The following GRK5 variants were observed in gnomAD, a reference collection of about 807,000 sequenced individuals.
GRK5 encodes the protein g protein-coupled receptor kinase GRK5.
A neutral mutation model predicts 78.4 loss-of-function variants in GRK5; 40 were observed. The ratio of observed to expected loss-of-function variants is 0.51; its 90% CI spans 0.40 to 0.66. The LOEUF (loss-of-function observed/expected upper bound fraction) is 0.66, where lower values mean the gene tolerates loss of function less well. Among genes scored for constraint, GRK5 ranks in the 30% least tolerant of loss-of-function variants. The pLI, the probability that GRK5 is intolerant of heterozygous loss-of-function variation, is 0.00. For synonymous variants in GRK5, 289 were observed against 296.8 expected (o/e 0.97, Z 0.27); for missense variants, 598 against 759.9 (o/e 0.79, Z 2.50).
At chr10:119,434,950 C>T (rs1038697365) in intron 8 of GRK5, among the ~76,000 whole-genome samples, 5 of 152,264 alleles carry the variant, frequency 3.3e-5, no homozygotes, top group African/African-American at 1.2e-4. Flanking sequence ...TCCCAAACCT[C>T]AATTCTTGAC....
intron 1 of GRK5, among the ~76,000 whole-genome samples, chr10:119,310,453 GA>G (rs979911467): frequency 3.3e-5 from 5 of 152,314 alleles, no homozygotes; most frequent in African/African-American, 1.2e-4. Context: ...CTCTTGTAGT[GA>G]AAAGTCCATT....
At chr10:119,406,800 A>G (rs550744960) in intron 4 of GRK5, among the ~76,000 whole-genome samples, 7 of 152,354 alleles carry the variant, frequency 4.6e-5, no homozygotes, top group African/African-American at 1.7e-4. Context: ...GTAGTGAGGG[A>G]CAGGGGTTGG....
rs530411002 is a variant in GRK5 at position 119,326,319 on chromosome 10, G to A, written c.53-197G>A. ...GGGCCGGGGTCAGGCAGGACTGTGC[G>A]GGATACTGGGGCTCACAGCCCACCT... On this transcript the variant is annotated intron_variant, in intron 1 of 15. Coordinates refer to ENST00000392870, the MANE Select transcript of GRK5 (RefSeq NM_005308.3). Among the ~76,000 whole-genome samples, 10 of 152,322 alleles carry A rather than the reference G, an allele frequency of 6.6e-5. No homozygotes were observed. The South Asian group carries it at 1.5e-3, about 22-fold the overall frequency.
chr10:119,208,243 G>A (rs888284328), intron 1 of GRK5, among the ~76,000 whole-genome samples: 1 of 152,238 alleles, frequency 6.6e-6, no homozygotes, highest in Non-Finnish European at 1.5e-5. Flanking sequence ...GTGCCATCTC[G>A]GCAGCTGTTG....
chr10:119,405,325 T>G (rs1852218573), intron 4 of GRK5, among the ~76,000 whole-genome samples: 1 of 152,142 alleles, frequency 6.6e-6, no homozygotes, highest in Non-Finnish European at 1.5e-5. Flanking sequence ...GGCAGGATAT[T>G]GTTCTCTGGG....
chr10:119,350,470 C>A lies in GRK5; in HGVS notation c.148+23859C>A, dbSNP rs147565721. ...CTCAAAAGTGTCTCTGACACCGAGGCTGGATCCTGCAGCATCTTTGTCACA... is the reference window on the plus strand; with the variant it reads ...CTCAAAAGTGTCTCTGACACCGAGGATGGATCCTGCAGCATCTTTGTCACA... On this transcript the variant is annotated intron_variant, in intron 2 of 15. Transcript: ENST00000392870. Among the ~76,000 whole-genome samples, 281 of 152,342 alleles carry A rather than the reference C, an allele frequency of 1.8e-3. 1 individual carries two copies. The highest frequency in any genetic ancestry group is 6.0e-3 in the African/African-American group (248 of 41,578).
intron 4 of GRK5, among the ~76,000 whole-genome samples, chr10:119,418,348 G>A (rs1206522812): frequency 6.6e-6 from 1 of 152,218 alleles, no homozygotes; most frequent in Non-Finnish European, 1.5e-5. Flanking sequence ...AGAAGTGGGT[G>A]GGGAGCTCAG....
rs142156020 is a variant in GRK5 at position 119,443,003 on chromosome 10, A to G, written c.1058-541A>G. On this transcript the variant is annotated intron_variant, in intron 11 of 15. Transcript: ENST00000392870. ...TCTCCTTTTGCAGAGTGTTCCATGC[A>G]TCTGTCTGCCCCGGCTCTTGTGTGC... 4.6e-3 allele frequency among the ~76,000 whole-genome samples: 697 copies of G among 152,290 alleles called. 9 individuals carry two copies. Among genetic ancestry groups the G allele is most frequent in the Non-Finnish European group, 6.0e-3 (406 of 68,028 alleles).
At chr10:119,355,858 C>T in intron 2 of GRK5, among the ~76,000 whole-genome samples, 1 of 152,108 alleles carries the variant, frequency 6.6e-6, no homozygotes, top group South Asian at 2.1e-4. Flanking sequence ...GTCCTGAGTC[C>T]ATAAAGTTTC....
intron 4 of GRK5, among the ~76,000 whole-genome samples, chr10:119,401,199 A>C (rs1852144629): frequency 6.6e-6 from 1 of 152,208 alleles, no homozygotes; most frequent in Non-Finnish European, 1.5e-5. Context: ...CTGCCATCTT[A>C]AAATTGCTGG....
chr10:119,390,750 G>A (rs534287062), intron 3 of GRK5, among the ~76,000 whole-genome samples: 3 of 152,058 alleles, frequency 2.0e-5, no homozygotes, highest in African/African-American at 4.8e-5. Context: ...TCACTATCCC[G>A]AGAACAGTAC....
chr10:119,436,672 G>A lies in GRK5; in HGVS notation c.760G>A (p.Glu254Lys), dbSNP rs371156667. ...CCAGGTCAACCTGGCCTATGCCTAC[G>A]AGACCAAGGATGCACTGTGCTTGGT... ...QFVVNLAYAYETKDALCLVLT... is the reference protein window; with the variant it reads ...QFVVNLAYAYKTKDALCLVLT... Residue 254 changes from glutamate (E) to lysine (K), a missense_variant, in exon 9 of 16, where the codon GAG becomes AAG. By Grantham distance (56) the Glu-to-Lys change is moderately conservative. Transcript: ENST00000392870. The A allele has an allele frequency of 8.7e-6, 14 of 1,614,190 alleles. No homozygotes were observed. Among genetic ancestry groups the A allele is most frequent in the Non-Finnish European group, 1.1e-5 (13 of 1,180,034 alleles).
chr10:119,345,211 G>A (rs565454882), intron 2 of GRK5, among the ~76,000 whole-genome samples: 105 of 152,154 alleles, frequency 6.9e-4, no homozygotes, highest in Non-Finnish European at 1.2e-3. Flanking sequence ...CTCATGATCC[G>A]CCCGCCTCGG....
chr10:119,393,092 C>T (rs1851912702), intron 3 of GRK5, among the ~76,000 whole-genome samples: 2 of 152,218 alleles, frequency 1.3e-5, no homozygotes, highest in African/African-American at 4.8e-5. Flanking sequence ...TGTAGGTGGC[C>T]TCTCAGGACT....
At chr10:119,246,660 A>G (rs966201367) in intron 1 of GRK5, among the ~76,000 whole-genome samples, 1 of 152,218 alleles carries the variant, frequency 6.6e-6, no homozygotes, top group Non-Finnish European at 1.5e-5. Context: ...GGAGGCCACA[A>G]TGAGATGGCC....
At chr10:119,393,021 G>A (rs1428151559) in intron 3 of GRK5, among the ~76,000 whole-genome samples, 2 of 152,252 alleles carry the variant, frequency 1.3e-5, no homozygotes, top group African/African-American at 2.4e-5. Context: ...CCCCAGCCGT[G>A]TGGAGTGTGA....
At chr10:119,260,369 C>A (rs1417694813) in intron 1 of GRK5, among the ~76,000 whole-genome samples, 5 of 116,386 alleles carry the variant, frequency 4.3e-5, no homozygotes, top group Non-Finnish European at 5.3e-5. Context: ...ATTTAACCGT[C>A]TGCTTTTTTT....
intron 1 of GRK5, among the ~76,000 whole-genome samples, chr10:119,244,477 T>C (rs1288272539): frequency 2.0e-5 from 3 of 152,234 alleles, no homozygotes; most frequent in Admixed American, 6.5e-5. Context: ...TATAAGTATA[T>C]GAAAAGATGC....
chr10:119,363,293 A>C (rs1275427523), intron 2 of GRK5, among the ~76,000 whole-genome samples: 1 of 150,692 alleles, frequency 6.6e-6, no homozygotes, highest in Non-Finnish European at 1.5e-5. Context: ...AAAAAAAAAA[A>C]ACAACAAACA....
Sources: gnomAD v4.1 joint callset for allele counts (sites outside exome capture counted in the v4.1 genomes callset) on GRCh38, gnomAD v4.1.1 for gene constraint, MANE v1.5 for transcripts, NCBI Gene and HGNC (gene_info 2026-07-23, HGNC 2026-07-21) for gene names.